HMGCLL1: variants seen among roughly 807,000 people sequenced by gnomAD.
HMGCLL1 encodes the protein 3-hydroxy-3-methylglutaryl-CoA lyase like 1, also known as 3-hydroxymethyl-3-methylglutaryl-CoA lyase, cytoplasmic.
HMGCLL1 carries 36 observed loss-of-function variants against 39.1 expected under a neutral mutation model. The ratio of observed to expected loss-of-function variants is 0.92; its 90% CI spans 0.71 to 1.22. The LOEUF is 1.22. Among genes scored for constraint, HMGCLL1 ranks in the 50% most tolerant of loss-of-function variants. The pLI is 0.00. For synonymous variants in HMGCLL1, 149 were observed against 144.0 expected (o/e 1.03, Z -0.25); for missense variants, 451 against 416.5 (o/e 1.08, Z -0.72).
chr6:55,512,793 G>A (rs1436883733), intron 5 of HMGCLL1: 1 of 152,058 alleles, frequency 6.6e-6, no homozygotes, highest in African/African-American at 2.4e-5. Context: ...ACTAAGGGAA[G>A]TACAGCCTGC....
chr6:55,510,807 A>G (rs56359505), intron 5 of HMGCLL1, among the ~76,000 whole-genome samples: 4,338 of 150,228 alleles, frequency 0.029, 186 homozygotes, highest in African/African-American at 0.096. Flanking sequence ...TAATAAATAT[A>G]TATATATATA....
intron 1 of HMGCLL1, among the ~76,000 whole-genome samples, chr6:55,543,461 CATATATATCATATATAATATATATAT>C (rs1769731345): frequency 2.2e-5 from 2 of 91,094 alleles, no homozygotes; most frequent in Non-Finnish European, 3.9e-5. Flanking sequence ...TGATATATAT[CATATATATCATATATAATATATATAT>C]GATATATATC....
At chr6:55,574,694 C>T (rs1771679385) in intron 1 of HMGCLL1, among the ~76,000 whole-genome samples, 7 of 151,916 alleles carry the variant, frequency 4.6e-5, no homozygotes, top group Admixed American at 3.9e-4. Context: ...AAAATTCCTC[C>T]TCAATCATCC....
At chr6:55,449,274 T>C (rs983139702) in intron 7 of HMGCLL1, among the ~76,000 whole-genome samples, 1 of 152,196 alleles carries the variant, frequency 6.6e-6, no homozygotes, top group Non-Finnish European at 1.5e-5. Flanking sequence ...GTCTAGCCAA[T>C]GGCATGCAAG....
intron 7 of HMGCLL1, among the ~76,000 whole-genome samples, chr6:55,478,088 T>TG (rs999473910): frequency 6.5e-5 from 2 of 30,664 alleles, no homozygotes; most frequent in Non-Finnish European, 2.3e-4. Context: ...TGAGGTTCTG[T>TG]TTTTTTTTTT....
intron 3 of HMGCLL1, among the ~76,000 whole-genome samples, chr6:55,518,281 C>T (rs1767853056): frequency 6.6e-6 from 1 of 152,046 alleles, no homozygotes; most frequent in Non-Finnish European, 1.5e-5. Context: ...TAAATGAGAT[C>T]ACAGATTATA....
chr6:55,531,082 C>T (rs956357259), intron 3 of HMGCLL1, among the ~76,000 whole-genome samples: 44 of 152,164 alleles, frequency 2.9e-4, no homozygotes, highest in African/African-American at 3.6e-4. Context: ...ATGTTTAAAC[C>T]AGGTTTTGAG....
intron 6 of HMGCLL1, among the ~76,000 whole-genome samples, chr6:55,496,328 C>T (rs1766575414): frequency 1.1e-5 from 1 of 88,402 alleles, no homozygotes. Flanking sequence ...TAAAATTTAT[C>T]AAAACTCAGC....
At chr6:55,579,836 G>A (rs1249612792), upstream of HMGCLL1, among the ~76,000 whole-genome samples, 2 of 152,170 alleles carry the variant, frequency 1.3e-5, no homozygotes, top group Non-Finnish European at 2.9e-5. Flanking sequence ...AAGTTCTTAG[G>A]ATATTAGAAT....
chr6:55,534,768 T>C (rs780212118), intron 3 of HMGCLL1, among the ~76,000 whole-genome samples: 2 of 152,226 alleles, frequency 1.3e-5, no homozygotes, highest in African/African-American at 2.4e-5. Flanking sequence ...ACAAATGTTG[T>C]TATTGTTTTA....
At chr6:55,493,309 T>C (rs1766406520) in intron 7 of HMGCLL1, among the ~76,000 whole-genome samples, 2 of 152,164 alleles carry the variant, frequency 1.3e-5, no homozygotes, top group Non-Finnish European at 2.9e-5. Context: ...GCTTGCTCTC[T>C]CCCTTTATGG....
the HMGCLL1 span, among the ~76,000 whole-genome samples, chr6:55,663,992 C>A: frequency 2.0e-5 from 3 of 151,802 alleles, no homozygotes; most frequent in Non-Finnish European, 4.4e-5. Flanking sequence ...CAACTGCAAT[C>A]TCTGCATTTT....
At chr6:55,456,661 T>C (rs1347589121) in intron 7 of HMGCLL1, among the ~76,000 whole-genome samples, 2 of 152,154 alleles carry the variant, frequency 1.3e-5, no homozygotes. Flanking sequence ...TTGGGTGGTA[T>C]CTCAAGTAGA....
chr6:55,577,604 A>G (rs929034939), intron 1 of HMGCLL1, among the ~76,000 whole-genome samples: 1 of 152,218 alleles, frequency 6.6e-6, no homozygotes, highest in Non-Finnish European at 1.5e-5. Flanking sequence ...ATCATTGTCC[A>G]TAAAACCCAC....
chr6:55,506,485 A>G lies in HMGCLL1; in HGVS notation c.543-7186T>C, dbSNP rs1436145207. Among the ~76,000 whole-genome samples the G allele has an allele frequency of 2.0e-5, 3 of 151,724 alleles. No individual in the cohort carries two copies. The East Asian group carries it at 5.8e-4, about 29-fold the overall frequency. Reference sequence around the variant, plus strand: ...ACTTTCTGCAGTCTTAGTTACATGCAGTCAACCATGGTCTGAAAATATGAA... The same window carrying G: ...ACTTTCTGCAGTCTTAGTTACATGCGGTCAACCATGGTCTGAAAATATGAA... On this transcript the variant is annotated intron_variant, in intron 5 of 8. Transcript: ENST00000274901.
the HMGCLL1 span, among the ~76,000 whole-genome samples, chr6:55,604,947 A>G: frequency 6.6e-6 from 1 of 152,224 alleles, no homozygotes; most frequent in Admixed American, 6.5e-5. Flanking sequence ...AATTAGCTGA[A>G]GATGATATAA....
chr6:55,442,542 A>T (rs906204622), intron 7 of HMGCLL1, among the ~76,000 whole-genome samples: 3 of 152,130 alleles, frequency 2.0e-5, no homozygotes, highest in African/African-American at 7.2e-5. Flanking sequence ...ACTGAAAAGG[A>T]TACTTACAAA....
the HMGCLL1 span, among the ~76,000 whole-genome samples, chr6:55,666,948 A>G: frequency 2.6e-5 from 4 of 151,376 alleles, no homozygotes; most frequent in Non-Finnish European, 5.9e-5. Flanking sequence ...TTTTTTTTCA[A>G]AAGTTTGGGC....
intron 3 of HMGCLL1, among the ~76,000 whole-genome samples, chr6:55,533,565 G>T (rs911957624): frequency 8.5e-5 from 13 of 152,092 alleles, no homozygotes; most frequent in Admixed American, 7.9e-4. Flanking sequence ...ACTGAATGAT[G>T]TGTGTATTCC....
Sources: allele counts gnomAD v4.1 joint callset (sites outside exome capture counted in the v4.1 genomes callset), GRCh38; gene constraint gnomAD v4.1.1; transcripts MANE v1.5; gene names NCBI Gene and HGNC (gene_info 2026-07-23, HGNC 2026-07-21).